The following NKAIN2 variants were observed in gnomAD, a reference collection of about 807,000 sequenced individuals.
NKAIN2 encodes the protein sodium/potassium-transporting ATPase subunit beta-1-interacting protein 2.
In NKAIN2, 14 loss-of-function variants were observed where a neutral mutation model predicts 32.6. The observed-to-expected ratio is 0.43, with a 90% CI of 0.28 to 0.67. The LOEUF is 0.67. Ranked by LOEUF, NKAIN2 falls within the 30% of genes least tolerant of loss-of-function variation. NKAIN2 has a pLI of 0.17. For missense variants in NKAIN2, 198 were observed against 258.3 expected (o/e 0.77, Z 1.60); for synonymous variants, 80 against 87.2 (o/e 0.92, Z 0.46).
intron 2 of NKAIN2, among the ~76,000 whole-genome samples, chr6:124,339,078 C>T (rs1406591548): frequency 1.3e-5 from 2 of 152,156 alleles, no homozygotes; most frequent in South Asian, 2.1e-4. Context: ...TGCAGTGGCT[C>T]ATGCCTGTAA....
chr6:124,114,352 G>A (rs1296880809), intron 1 of NKAIN2, among the ~76,000 whole-genome samples: 1 of 152,062 alleles, frequency 6.6e-6, no homozygotes. Flanking sequence ...AAGTAGTATT[G>A]TCCATTAACA....
intron 1 of NKAIN2, among the ~76,000 whole-genome samples, chr6:124,193,590 C>A (rs1396068935): frequency 6.6e-6 from 1 of 152,182 alleles, no homozygotes; most frequent in African/African-American, 2.4e-5. Flanking sequence ...CTCTCCTTGT[C>A]ACCCGCAACA....
chr6:124,680,360 C>G (rs182184385), intron 4 of NKAIN2, among the ~76,000 whole-genome samples: 1 of 152,048 alleles, frequency 6.6e-6, no homozygotes, highest in Non-Finnish European at 1.5e-5. Flanking sequence ...GAATTGACAT[C>G]TAGTTTTAGT....
rs74411913 is a variant in NKAIN2 at position 124,304,516 on chromosome 6, G to A, written c.192+21374G>A. Among the ~76,000 whole-genome samples the A allele has an allele frequency of 6.4e-3, 969 of 152,224 alleles. 10 individuals carry two copies. The highest frequency in any genetic ancestry group is 0.022 in the African/African-American group (909 of 41,548). ...AGAAGTATAGTTAGAGTAGAAAAAC[G>A]GCTGAAAGAGTAGTGTCATGAAAAT... On this transcript the variant is annotated intron_variant, in intron 2 of 6. Coordinates refer to ENST00000368417, the MANE Select transcript of NKAIN2 (RefSeq NM_001040214.3).
intron 1 of NKAIN2, among the ~76,000 whole-genome samples, chr6:124,080,709 C>T (rs951507815): frequency 7.3e-5 from 11 of 151,576 alleles, no homozygotes; most frequent in African/African-American, 2.7e-4. Context: ...GCTCTGCACA[C>T]AAACACACAC....
chr6:123,811,651 C>G (rs1461722421), intron 1 of NKAIN2, among the ~76,000 whole-genome samples: 1 of 151,884 alleles, frequency 6.6e-6, no homozygotes, highest in Non-Finnish European at 1.5e-5. Context: ...ATAGGAGTAT[C>G]TAGGGGAGAT....
At chr6:123,981,949 A>G (rs1778918563) in intron 1 of NKAIN2, among the ~76,000 whole-genome samples, 1 of 152,212 alleles carries the variant, frequency 6.6e-6, no homozygotes, top group Non-Finnish European at 1.5e-5. Context: ...GGAGGTGCCA[A>G]TTAAAATGTG....
intron 3 of NKAIN2, among the ~76,000 whole-genome samples, chr6:124,408,981 T>A (rs910672328): frequency 6.6e-6 from 1 of 152,200 alleles, no homozygotes; most frequent in Admixed American, 6.5e-5. Flanking sequence ...AGTTCACTCA[T>A]GATTTGGCTG....
intron 1 of NKAIN2, among the ~76,000 whole-genome samples, chr6:124,253,206 G>A (rs1401707339): frequency 2.0e-5 from 3 of 152,078 alleles, no homozygotes; most frequent in East Asian, 1.9e-4. Context: ...TGGAAGCCTT[G>A]CACATTTTCC....
chr6:124,431,259 C>T (rs1039704112), intron 3 of NKAIN2, among the ~76,000 whole-genome samples: 1 of 152,070 alleles, frequency 6.6e-6, no homozygotes, highest in Non-Finnish European at 1.5e-5. Context: ...TCTATTTACT[C>T]GTTGCAATAT....
intron 1 of NKAIN2, among the ~76,000 whole-genome samples, chr6:123,881,036 G>A (rs966390461): frequency 6.6e-6 from 1 of 152,174 alleles, no homozygotes; most frequent in Non-Finnish European, 1.5e-5. Flanking sequence ...GGTGTACTGA[G>A]TTAGGTGTGA....
chr6:124,072,827 C>T (rs2114884548), intron 1 of NKAIN2, among the ~76,000 whole-genome samples: 1 of 152,156 alleles, frequency 6.6e-6, no homozygotes, highest in East Asian at 1.9e-4. Flanking sequence ...AATAATATAC[C>T]TTGCATTTTG....
intron 3 of NKAIN2, among the ~76,000 whole-genome samples, chr6:124,476,182 G>A (rs1003567963): frequency 6.6e-6 from 1 of 150,500 alleles, no homozygotes; most frequent in African/African-American, 2.4e-5. Flanking sequence ...TTCCTAATTG[G>A]CAAAATATGG....
chr6:124,759,823 A>G (rs1778174507), intron 4 of NKAIN2, among the ~76,000 whole-genome samples: 2 of 151,960 alleles, frequency 1.3e-5, no homozygotes, highest in African/African-American at 4.8e-5. Context: ...TGATAGTAAA[A>G]GTAAAATAGT....
intron 1 of NKAIN2, among the ~76,000 whole-genome samples, chr6:124,010,909 A>G (rs1419256378): frequency 6.6e-6 from 1 of 152,104 alleles, no homozygotes; most frequent in East Asian, 1.9e-4. Context: ...AATTTCAGCA[A>G]TGATCAATAC....
rs531376850 is a variant in NKAIN2 at position 124,804,950 on chromosome 6, C to G, written c.536-13437C>G. Among the ~76,000 whole-genome samples the G allele has an allele frequency of 3.3e-5, 5 of 152,302 alleles. No homozygotes were observed. The East Asian group carries it at 9.7e-4, about 30-fold the overall frequency. ...GCAGCGAGGCTGGGGGAAGGGCGCC[C>G]GCCATTGCCCAGGCTTGCTTAGGTA... On this transcript the variant is annotated intron_variant, in intron 5 of 6. Coordinates refer to ENST00000368417, the MANE Select transcript of NKAIN2 (RefSeq NM_001040214.3).
rs141719811 is a variant in NKAIN2, at chr6:124,028,784, C to T, written c.54+224530C>T. The stretch of plus-strand genomic sequence containing the variant: ...GTATATAAGTGTATATACATATATA[C>T]GCATATACGTGTATATACGTATATA... On this transcript the variant is annotated intron_variant, in intron 1 of 6. Coordinates refer to ENST00000368417, the MANE Select transcript of NKAIN2 (RefSeq NM_001040214.3). Among the ~76,000 whole-genome samples the T allele has an allele frequency of 6.0e-3, 815 of 135,628 alleles. 7 individuals carry two copies. Among genetic ancestry groups the T allele is most frequent in the African/African-American group, 0.026 (777 of 30,196 alleles). The allele number at this position is 135,628 out of a possible 152,430, so 89.0% of individuals were successfully genotyped here. A position where few individuals can be genotyped will look rare whatever the true frequency, so the allele number is the denominator to read the frequency against.
chr6:124,283,755 T>C (rs993582526), intron 2 of NKAIN2, among the ~76,000 whole-genome samples: 4 of 152,224 alleles, frequency 2.6e-5, no homozygotes, highest in African/African-American at 4.8e-5. Flanking sequence ...GGGTTGCTTT[T>C]TTTTAAACTT....
intron 1 of NKAIN2, among the ~76,000 whole-genome samples, chr6:123,846,591 A>C (rs1315959275): frequency 1.3e-5 from 2 of 152,202 alleles, no homozygotes; most frequent in African/African-American, 4.8e-5. Flanking sequence ...GTTAATAGGA[A>C]GAAAAAATGA....
Sources: allele counts gnomAD v4.1 joint callset (sites outside exome capture counted in the v4.1 genomes callset), GRCh38; gene constraint gnomAD v4.1.1; transcripts MANE v1.5; gene names NCBI Gene and HGNC (gene_info 2026-07-23, HGNC 2026-07-21).